DRAM2: variants seen among roughly 807,000 people sequenced by gnomAD.
DRAM2 encodes the protein DNA damage-regulated autophagy modulator protein 2.
Under a neutral mutation model 33.5 loss-of-function variants are expected in DRAM2, and 26 were observed. That is an observed-to-expected ratio of 0.78 (90% CI 0.57 to 1.08). The LOEUF is 1.08. Among genes scored for constraint, DRAM2 ranks in the 50% least tolerant of loss-of-function variants. The pLI is 0.00. For missense variants in DRAM2, 311 were observed against 318.1 expected (o/e 0.98, Z 0.17); for synonymous variants, 98 against 109.5 (o/e 0.89, Z 0.66).
chr1:111,138,999 C>T (rs1653911048), intron 2 of DRAM2: 1 of 152,166 alleles, frequency 6.6e-6, no homozygotes, highest in Non-Finnish European at 1.5e-5. Flanking sequence ...TCAGAAAGCC[C>T]TAAGCTGCTT....
chr1:111,124,507 C>T (rs938635003), intron 6 of DRAM2, among the ~76,000 whole-genome samples: 2 of 152,070 alleles, frequency 1.3e-5, no homozygotes, highest in Non-Finnish European at 2.9e-5. Flanking sequence ...AATAATTGTC[C>T]TGTGGATCCT....
In DRAM2 at chr1:111,118,828, G is replaced by T; in HGVS notation, c.670C>A (p.Leu224Met). 6.2e-7 allele frequency: 1 copy of T among 1,608,646 alleles called. No individual in the cohort carries two copies. The highest frequency in any genetic ancestry group is 8.5e-7 in the Non-Finnish European group (1 of 1,176,890). The change falls in exon 9 of 10, where the codon CTG becomes ATG. Residue 224 changes from leucine (L) to methionine (M), a missense_variant. Leu to Met is a conservative substitution (Grantham distance 15). Transcript: ENST00000484310. ...ACCTGAAAATCACGAATGTAAGTCA[G>T]GAAAAAACCAAAGAAGGAAAATGAC... ...SMSFSFFGFF[L>M]TYIRDFQKIS...
chr1:111,135,179 A>T (rs1024789537), intron 3 of DRAM2, among the ~76,000 whole-genome samples: 1 of 152,202 alleles, frequency 6.6e-6, no homozygotes, highest in Non-Finnish European at 1.5e-5. Context: ...GAGTTGTACA[A>T]TTTCAAGTGG....
intron 3 of DRAM2, among the ~76,000 whole-genome samples, chr1:111,134,249 A>G (rs1019489588): frequency 1.4e-4 from 22 of 151,976 alleles, no homozygotes; most frequent in African/African-American, 5.3e-4. Flanking sequence ...TTAAATTAGA[A>G]TACTCCTATG....
At chr1:111,124,560 TGAATTTTTC>T (rs1350127250) in intron 6 of DRAM2, among the ~76,000 whole-genome samples, 173 bp downstream of exon 6, 1 of 152,216 alleles carries the variant, frequency 6.6e-6, no homozygotes, top group Non-Finnish European at 1.5e-5. Context: ...CTTTTAAATA[TGAATTTTTC>T]TAGTTGTGCA....
chr1:111,133,473 C>T (rs532028692), intron 3 of DRAM2, among the ~76,000 whole-genome samples: 44 of 152,270 alleles, frequency 2.9e-4, no homozygotes, highest in African/African-American at 9.6e-4. Context: ...CTACCATGCC[C>T]GGTCTGTCTT....
intron 3 of DRAM2, among the ~76,000 whole-genome samples, chr1:111,135,580 C>G (rs1652993877): frequency 6.6e-6 from 1 of 152,164 alleles, no homozygotes; most frequent in African/African-American, 2.4e-5. Flanking sequence ...TTTTGTCCAC[C>G]TCATTGCTAG....
At chr1:111,131,662 C>T in intron 3 of DRAM2, 94 bp from the exon 4 acceptor site, 1 of 1,230,502 alleles carries the variant, frequency 8.1e-7, no homozygotes, top group Non-Finnish European at 1.1e-6. Context: ...ACTTACCACC[C>T]CAAGCTGTTT....
At chr1:111,138,717 G>A (rs1362049818) in intron 2 of DRAM2, among the ~76,000 whole-genome samples, 1 of 152,166 alleles carries the variant, frequency 6.6e-6, no homozygotes, top group Non-Finnish European at 1.5e-5. Context: ...GCGGGAGGCG[G>A]AGGTTGCAGA....
In DRAM2 at chr1:111,117,577, C is replaced by T. The variant is rs1257852186; in HGVS notation, c.*583G>A. 2 of 152,436 alleles carry T rather than the reference C, an allele frequency of 1.3e-5. No individual in the cohort carries two copies. Among genetic ancestry groups the T allele is most frequent in the Admixed American group, 6.5e-5 (1 of 15,278 alleles). 9.4% of individuals were successfully genotyped at this position (152,436 alleles called of 1,614,324 possible). A position where few individuals can be genotyped will look rare whatever the true frequency, so the allele number is the denominator to read the frequency against. On this transcript the variant is annotated 3_prime_UTR_variant, in exon 10 of 10. Coordinates refer to ENST00000484310, the MANE Select transcript of DRAM2 (RefSeq NM_001349884.2). ...GTGGCCAGAAAAAAAAAAATCGTTACCTACAAAATCTCTTGGGCAACACTT... is the reference window on the plus strand; with the variant it reads ...GTGGCCAGAAAAAAAAAAATCGTTATCTACAAAATCTCTTGGGCAACACTT...
intron 2 of DRAM2, among the ~76,000 whole-genome samples, chr1:111,137,864 T>C (rs1236257830): frequency 1.3e-5 from 2 of 152,168 alleles, no homozygotes; most frequent in East Asian, 3.8e-4. Context: ...AAAAGAAATA[T>C]CATTGCGTCT....
intron 9 of DRAM2, chr1:111,118,577 T>A (rs1240226814): frequency 2.1e-6 from 1 of 470,322 alleles, no homozygotes; most frequent in Admixed American, 3.9e-5. Context: ...TTCTGAAATT[T>A]ATTTTATAGC....
At position 111,126,225 on chromosome 1, in the gene DRAM2, A is replaced by G. The variant is rs1650980737; in HGVS notation, c.199+2T>C. On this transcript the variant is annotated splice_donor_variant, in intron 5 of 9. Coordinates refer to ENST00000484310, the MANE Select transcript of DRAM2 (RefSeq NM_001349884.2). LOFTEE classifies it high-confidence loss of function. ...CATGTTAAAATCACTTTCATTACTT[A>G]CATAAAACTGCCGCAATATTTAGCA... 1 of 1,602,544 alleles carries G rather than the reference A, an allele frequency of 6.2e-7. No homozygotes were observed.
rs1277847295 is a variant in DRAM2, at chr1:111,140,057, C to A, written c.-264G>T. 1 of 152,480 alleles carries A rather than the reference C, an allele frequency of 6.6e-6. No homozygotes were observed. The highest frequency in any genetic ancestry group is 1.5e-5 in the Non-Finnish European group (1 of 68,252). 9.4% of individuals were successfully genotyped at this position (152,480 alleles called of 1,614,324 possible). A position where few individuals can be genotyped will look rare whatever the true frequency, so the allele number is the denominator to read the frequency against. ...ACTTACCTTACCAGACCGACTAGCG[C>A]TGGCCGCTGGCGCCGAAGCCCCTAT... On this transcript the variant is annotated 5_prime_UTR_variant, in exon 1 of 10. Coordinates refer to ENST00000484310, the MANE Select transcript of DRAM2 (RefSeq NM_001349884.2).
intron 3 of DRAM2, among the ~76,000 whole-genome samples, chr1:111,135,352 C>G (rs944210013): frequency 3.9e-5 from 6 of 152,176 alleles, no homozygotes; most frequent in African/African-American, 1.4e-4. Flanking sequence ...CAGCCTGTCA[C>G]CTGTCCCTGA....
chr1:111,125,584 TC>T (rs1242319584), intron 5 of DRAM2: 2 of 152,292 alleles, frequency 1.3e-5, no homozygotes, highest in African/African-American at 2.4e-5. Flanking sequence ...AAGACATGTT[TC>T]TGAAGAGTTT....
chr1:111,125,004 G>C, intron 5 of DRAM2, 123 bp from the exon 6 acceptor site: 4 of 844,808 alleles, frequency 4.7e-6, no homozygotes, highest in African/African-American at 1.8e-5. Flanking sequence ...AAATTAATCA[G>C]AGAGAATAAA....
chr1:111,126,674 T>C (rs1332540457), intron 4 of DRAM2, among the ~76,000 whole-genome samples: 24 of 152,008 alleles, frequency 1.6e-4, no homozygotes, highest in Admixed American at 1.6e-3. Context: ...TTTTGCACCT[T>C]TTGTTGACTA....
chr1:111,117,758 T>C lies in DRAM2; in HGVS notation c.*402A>G, dbSNP rs1037703257. Reference sequence around the variant, plus strand: ...TAAAGGATTTACTGACTAATGCTGATTATTTAGTCATGGAAAATGTCTCTC... The same window carrying C: ...TAAAGGATTTACTGACTAATGCTGACTATTTAGTCATGGAAAATGTCTCTC... On this transcript the variant is annotated 3_prime_UTR_variant, in exon 10 of 10. Coordinates refer to ENST00000484310, the MANE Select transcript of DRAM2 (RefSeq NM_001349884.2). The C allele has an allele frequency of 1.7e-5, 3 of 178,946 alleles. No homozygotes were observed. Among genetic ancestry groups the C allele is most frequent in the African/African-American group, 2.4e-5 (1 of 41,606 alleles). The allele number at this position is 178,946 out of a possible 1,614,324, so 11.1% of individuals were successfully genotyped here.
Sources: gnomAD v4.1 joint callset for allele counts (sites outside exome capture counted in the v4.1 genomes callset) on GRCh38, gnomAD v4.1.1 for gene constraint, MANE v1.5 for transcripts, NCBI Gene and HGNC (gene_info 2026-07-23, HGNC 2026-07-21) for gene names.